NIBAN1: variants seen among roughly 807,000 people sequenced by gnomAD.
NIBAN1 encodes the protein niban apoptosis regulator 1, also known as protein Niban 1.
NIBAN1 carries 81 observed loss-of-function variants against 75.1 expected under a neutral mutation model. The ratio of observed to expected loss-of-function variants is 1.08; its 90% CI spans 0.90 to 1.30. The LOEUF is 1.30. Among genes scored for constraint, NIBAN1 ranks in the 50% most tolerant of loss-of-function variants. The pLI, the probability that NIBAN1 is intolerant of heterozygous loss-of-function variation, is 0.00. For missense variants in NIBAN1, 1,133 were observed against 1,128.1 expected (o/e 1.00, Z -0.06); for synonymous variants, 436 against 424.8 (o/e 1.03, Z -0.32).
At chr1:184,871,694 C>A (rs1457462616) in intron 5 of NIBAN1, among the ~76,000 whole-genome samples, 1 of 152,248 alleles carries the variant, frequency 6.6e-6, no homozygotes, top group East Asian at 1.9e-4. Context: ...CTTAAGCTAC[C>A]TTTTTCTAGC....
chr1:184,851,422 T>C (rs1181928864), intron 5 of NIBAN1, among the ~76,000 whole-genome samples: 1 of 44,412 alleles, frequency 2.3e-5, no homozygotes, highest in African/African-American at 1.3e-4. Context: ...TAGGTGGGAA[T>C]TGAACAATGA....
At chr1:184,881,627 G>A (rs1656381584) in intron 5 of NIBAN1, among the ~76,000 whole-genome samples, 1 of 152,214 alleles carries the variant, frequency 6.6e-6, no homozygotes, top group Non-Finnish European at 1.5e-5. Context: ...CATAGACAGA[G>A]CAGCCCAGAG....
At chr1:184,947,550 T>G (rs118188) in intron 1 of NIBAN1, among the ~76,000 whole-genome samples, 61,384 of 152,132 alleles carry the variant, frequency 0.4, 12,621 homozygotes, top group African/African-American at 0.45. Context: ...ATGTATATTT[T>G]CCAGCAATAA....
chr1:184,964,804 TG>T (rs1201856755), intron 1 of NIBAN1, among the ~76,000 whole-genome samples: 1 of 152,220 alleles, frequency 6.6e-6, no homozygotes, highest in East Asian at 1.9e-4. Context: ...AGGGTAGAGA[TG>T]ATTTTGAAGT....
At chr1:184,945,476 G>T (rs915469868) in intron 1 of NIBAN1, among the ~76,000 whole-genome samples, 1 of 152,064 alleles carries the variant, frequency 6.6e-6, no homozygotes, top group Non-Finnish European at 1.5e-5. Flanking sequence ...TCTTTACAAG[G>T]TCTTGCCCAA....
chr1:184,906,191 G>A (rs1231224088), intron 1 of NIBAN1, among the ~76,000 whole-genome samples: 1 of 151,980 alleles, frequency 6.6e-6, no homozygotes, highest in South Asian at 2.1e-4. Flanking sequence ...CCAGGAATTC[G>A]AGGCTGCAGT....
intron 1 of NIBAN1, among the ~76,000 whole-genome samples, chr1:184,968,657 C>T (rs982382000): frequency 6.6e-6 from 1 of 152,138 alleles, no homozygotes; most frequent in Non-Finnish European, 1.5e-5. Context: ...TGAAAGGGGA[C>T]CCAATAAGGC....
intron 4 of NIBAN1, among the ~76,000 whole-genome samples, chr1:184,886,793 A>G (rs1237892572): frequency 6.6e-6 from 1 of 152,182 alleles, no homozygotes; most frequent in Non-Finnish European, 1.5e-5. Context: ...AAGGAAATGA[A>G]TCATGACCAC....
rs764514681 is a variant in NIBAN1 at position 184,818,732 on chromosome 1, G to A, written c.1079C>T (p.Ser360Leu). Residue 360 changes from serine to leucine, a missense_variant, in exon 9 of 14, where the codon TCG becomes TTG. Transcript: ENST00000367511. ...GAGTACACGTACTTCACTGAATCCC[G>A]AGCTCACTGGTCCCATGAGCTCCTC... The part of the protein sequence containing the change: ...ILEELMGPVS[S>L]GFSEVRVLFE... 55 of 1,613,356 alleles carry A rather than the reference G, an allele frequency of 3.4e-5. 1 individual carries two copies. The South Asian group carries it at 5.3e-4, about 15-fold the overall frequency.
At chr1:184,954,609 G>C (rs1658436776) in intron 1 of NIBAN1, among the ~76,000 whole-genome samples, 1 of 152,160 alleles carries the variant, frequency 6.6e-6, no homozygotes, top group Non-Finnish European at 1.5e-5. Context: ...TTTAAGTCTA[G>C]GGTTGAAAAT....
rs547609017 is a variant in NIBAN1 at position 184,805,833 on chromosome 1, A to G, written c.1446+113T>C. On this transcript the variant is annotated intron_variant, in intron 11 of 13. Transcript: ENST00000367511. The stretch of plus-strand genomic sequence containing the variant: ...GACAGTCACTGGACTTGGGAGAGAA[A>G]GGAGTGGGGAAAGATTAGAGCCAAG... 4.0e-4 allele frequency: 311 copies of G among 773,038 alleles called. 7 individuals carry two copies. In the South Asian group the frequency reaches 4.8e-3, roughly 12 times the overall value. The allele number at this position is 773,038 out of a possible 1,614,324, so 47.9% of individuals were successfully genotyped here. A position where few individuals can be genotyped will look rare whatever the true frequency, so the allele number is the denominator to read the frequency against.
At chr1:184,808,693 G>C (rs957593988) in intron 9 of NIBAN1, among the ~76,000 whole-genome samples, 17 of 152,180 alleles carry the variant, frequency 1.1e-4, no homozygotes, top group African/African-American at 2.4e-4. Context: ...AGGGAAGCCA[G>C]AGTTCCTCAC....
intron 1 of NIBAN1, among the ~76,000 whole-genome samples, chr1:184,956,624 T>C (rs1021779542): frequency 1.3e-5 from 2 of 152,212 alleles, no homozygotes; most frequent in Admixed American, 6.5e-5. Context: ...AATGCATTAA[T>C]AAAGAGCACA....
chr1:184,852,761 C>T (rs566908937), intron 5 of NIBAN1, among the ~76,000 whole-genome samples: 15 of 152,170 alleles, frequency 9.9e-5, no homozygotes, highest in Non-Finnish European at 1.3e-4. Context: ...CTTTTCTTCC[C>T]GCTAAACATT....
intron 5 of NIBAN1, among the ~76,000 whole-genome samples, chr1:184,842,210 G>T (rs1390796798): frequency 6.6e-6 from 1 of 152,196 alleles, no homozygotes; most frequent in African/African-American, 2.4e-5. Context: ...AAGAGATACT[G>T]AAGGGAACTG....
At chr1:184,958,668 A>G (rs1034984678) in intron 1 of NIBAN1, among the ~76,000 whole-genome samples, 1 of 152,218 alleles carries the variant, frequency 6.6e-6, no homozygotes, top group African/African-American at 2.4e-5. Flanking sequence ...GTTAGCTTTT[A>G]CTACAGTGAT....
At chr1:184,875,634 T>C (rs990289253) in intron 5 of NIBAN1, among the ~76,000 whole-genome samples, 3 of 152,224 alleles carry the variant, frequency 2.0e-5, no homozygotes, top group African/African-American at 7.2e-5. Context: ...GAAGTCACTA[T>C]GTCTGGCCAA....
At chr1:184,955,493 C>A (rs982479071) in intron 1 of NIBAN1, among the ~76,000 whole-genome samples, 8 of 151,904 alleles carry the variant, frequency 5.3e-5, no homozygotes, top group Non-Finnish European at 1.0e-4. Flanking sequence ...TGCGCACCAC[C>A]ACGCCCGGCT....
In NIBAN1 at chr1:184,820,145, A is replaced by C. The variant is rs191024300; in HGVS notation, c.986-1320T>G. Among the ~76,000 whole-genome samples the C allele has an allele frequency of 3.2e-3, 480 of 152,372 alleles. 19 individuals carry two copies. Among genetic ancestry groups the C allele is most frequent in the Admixed American group, 0.026 (402 of 15,302 alleles). On this transcript the variant is annotated intron_variant, in intron 8 of 13. Transcript: ENST00000367511. ...GTCTTCTAAAAATGACTTGCTTGACACTAAAGTGTAAAACTGTTTGTCAGG... is the reference window on the plus strand; with the variant it reads ...GTCTTCTAAAAATGACTTGCTTGACCCTAAAGTGTAAAACTGTTTGTCAGG...
Sources: gnomAD v4.1 joint callset for allele counts (sites outside exome capture counted in the v4.1 genomes callset) on GRCh38, gnomAD v4.1.1 for gene constraint, MANE v1.5 for transcripts, NCBI Gene and HGNC (gene_info 2026-07-23, HGNC 2026-07-21) for gene names.